Variants in NALF1 observed in about 807,000 individuals in gnomAD.
NALF1 encodes the protein NALCN channel auxiliary factor 1.
NALF1 carries 3 observed loss-of-function variants against 48.4 expected under a neutral mutation model. The ratio of observed to expected loss-of-function variants is 0.06; its 90% CI spans 0.03 to 0.16. The LOEUF is 0.16. Among genes scored for constraint, NALF1 ranks in the 10% least tolerant of loss-of-function variants. NALF1 has a pLI of 1.00. For synonymous variants in NALF1, 262 were observed against 245.7 expected, an observed-to-expected ratio of 1.07 and a Z score of -0.62; for missense variants, 526 against 571.5, an observed-to-expected ratio of 0.92 and a Z score of 0.81.
chr13:107,257,541 A>C (rs202207497), intron 1 of NALF1, among the ~76,000 whole-genome samples: 1 of 151,428 alleles, frequency 6.6e-6, no homozygotes, highest in African/African-American at 2.4e-5. Flanking sequence ...TCTAGAAGAA[A>C]CTCTGGGATA....
At chr13:107,292,607 A>G (rs535043866) in intron 1 of NALF1, among the ~76,000 whole-genome samples, 19 of 152,240 alleles carry the variant, frequency 1.2e-4, no homozygotes, top group South Asian at 8.3e-4. Context: ...TTCTTGTTCC[A>G]CTGGAAGATC....
rs1259053863 is a variant in NALF1 at position 107,413,645 on chromosome 13, G to A, written c.916-202890C>T. On this transcript the variant is annotated intron_variant, in intron 1 of 2. Transcript: ENST00000375915. ...GCATTTTAATAATGTTTCCATTTGA[G>A]CCTTTTTTTCTCCACTACATTGATC... 5.3e-5 allele frequency among the ~76,000 whole-genome samples: 8 copies of A among 152,044 alleles called. No individual in the cohort carries two copies. In the East Asian group the frequency reaches 1.5e-3, roughly 29 times the overall value.
chr13:107,649,766 T>C (rs1880400502), intron 1 of NALF1, among the ~76,000 whole-genome samples: 1 of 152,188 alleles, frequency 6.6e-6, no homozygotes, highest in African/African-American at 2.4e-5. Flanking sequence ...GTACAGGGTA[T>C]TCAACTTTGT....
intron 1 of NALF1, among the ~76,000 whole-genome samples, chr13:107,846,570 A>G (rs964317640): frequency 1.3e-5 from 2 of 152,216 alleles, no homozygotes; most frequent in African/African-American, 4.8e-5. Context: ...TGTAATGAGG[A>G]TAGGCATGTA....
intron 1 of NALF1, among the ~76,000 whole-genome samples, chr13:107,806,805 A>G (rs559190829): frequency 1.3e-5 from 2 of 152,318 alleles, no homozygotes; most frequent in South Asian, 4.1e-4. Flanking sequence ...TTAAACCCCA[A>G]GAGTTTCAAT....
intron 1 of NALF1, among the ~76,000 whole-genome samples, chr13:107,859,914 CAAA>C (rs778833499): frequency 3.0e-5 from 2 of 66,492 alleles, no homozygotes; most frequent in African/African-American, 6.1e-5. Context: ...AACTCCAACT[CAAA>C]AAAAAAAAAA....
chr13:107,748,993 A>G (rs139530528), intron 1 of NALF1, among the ~76,000 whole-genome samples: 48 of 152,280 alleles, frequency 3.2e-4, no homozygotes, highest in South Asian at 1.2e-3. Context: ...GATGATCAAA[A>G]TAATGAGTCA....
chr13:107,808,247 A>G (rs1878869143), intron 1 of NALF1, among the ~76,000 whole-genome samples: 1 of 152,216 alleles, frequency 6.6e-6, no homozygotes, highest in East Asian at 1.9e-4. Context: ...GTTATCAGGC[A>G]TACATGAGTG....
intron 1 of NALF1, among the ~76,000 whole-genome samples, chr13:107,464,931 C>G (rs993812519): frequency 4.6e-5 from 7 of 152,010 alleles, no homozygotes; most frequent in African/African-American, 1.7e-4. Context: ...TAAGTATTAC[C>G]TAATCTGATC....
At chr13:107,654,587 T>A (rs1280216483) in intron 1 of NALF1, among the ~76,000 whole-genome samples, 4 of 151,970 alleles carry the variant, frequency 2.6e-5, no homozygotes, top group Non-Finnish European at 4.4e-5. Flanking sequence ...TTTGTACTAA[T>A]CCTATTGACA....
intron 1 of NALF1, among the ~76,000 whole-genome samples, chr13:107,224,240 GAAT>G (rs1880054992): frequency 6.6e-6 from 1 of 151,660 alleles, no homozygotes; most frequent in South Asian, 2.1e-4. Context: ...AAAAAATGTA[GAAT>G]AATACTGAAA....
At chr13:107,656,968 C>G (rs1344023291) in intron 1 of NALF1, among the ~76,000 whole-genome samples, 1 of 151,360 alleles carries the variant, frequency 6.6e-6, no homozygotes, top group East Asian at 1.9e-4. Flanking sequence ...AACACAAAGG[C>G]ATAAGAATGA....
intron 1 of NALF1, among the ~76,000 whole-genome samples, chr13:107,256,840 T>C (rs1458198526): frequency 6.6e-6 from 1 of 152,238 alleles, no homozygotes; most frequent in Non-Finnish European, 1.5e-5. Context: ...TATATTTCTA[T>C]TTTTGTAAAG....
intron 1 of NALF1, among the ~76,000 whole-genome samples, chr13:107,560,196 A>T (rs1276751797): frequency 6.6e-6 from 1 of 152,172 alleles, no homozygotes; most frequent in Non-Finnish European, 1.5e-5. Context: ...GTTTCCAGGA[A>T]TGTGCATTTG....
chr13:107,795,081 T>C (rs1878374770), intron 1 of NALF1, among the ~76,000 whole-genome samples: 1 of 152,184 alleles, frequency 6.6e-6, no homozygotes, highest in South Asian at 2.1e-4. Flanking sequence ...TAAAAAAGAA[T>C]ACACATTAAG....
chr13:107,505,457 A>T (rs1194433867), intron 1 of NALF1, among the ~76,000 whole-genome samples: 1 of 152,316 alleles, frequency 6.6e-6, no homozygotes, highest in Non-Finnish European at 1.5e-5. Context: ...CTCAGAGACA[A>T]CACTGCAGTG....
intron 1 of NALF1, among the ~76,000 whole-genome samples, chr13:107,790,332 CTT>C (rs1287571986): frequency 6.6e-6 from 1 of 152,100 alleles, no homozygotes; most frequent in Non-Finnish European, 1.5e-5. Flanking sequence ...AAAATTAACT[CTT>C]AAATAGGCAA....
chr13:107,735,132 AT>A (rs1876429004), intron 1 of NALF1, among the ~76,000 whole-genome samples: 1 of 152,066 alleles, frequency 6.6e-6, no homozygotes, highest in Non-Finnish European at 1.5e-5. Flanking sequence ...TCTAAATCCA[AT>A]TGCATGGGCC....
At chr13:107,714,882 AT>A (rs1875705397) in intron 1 of NALF1, among the ~76,000 whole-genome samples, 1 of 152,144 alleles carries the variant, frequency 6.6e-6, no homozygotes, top group African/African-American at 2.4e-5. Context: ...AGGTTATACC[AT>A]AAACAGTAGT....
Sources: allele counts gnomAD v4.1 joint callset (sites outside exome capture counted in the v4.1 genomes callset), GRCh38; gene constraint gnomAD v4.1.1; transcripts MANE v1.5; gene names NCBI Gene and HGNC (gene_info 2026-07-23, HGNC 2026-07-21).